Variants in PALLD observed in about 807,000 individuals in gnomAD.
The protein encoded by PALLD is palladin.
Under a neutral mutation model 123.5 loss-of-function variants are expected in PALLD, and 61 were observed. The observed-to-expected ratio is 0.49, with a 90% CI of 0.40 to 0.61. PALLD has a LOEUF of 0.61. PALLD is among the 20% of genes least tolerant of loss of function. The pLI, the probability that PALLD is intolerant of heterozygous loss-of-function variation, is 0.00. For missense variants in PALLD, 1,273 were observed against 1,377.0 expected (o/e 0.92, Z 1.20); for synonymous variants, 465 against 496.4 (o/e 0.94, Z 0.84).
chr4:168,608,715 T>C (rs1301251433), intron 2 of PALLD, among the ~76,000 whole-genome samples: 1 of 152,232 alleles, frequency 6.6e-6, no homozygotes, highest in African/African-American at 2.4e-5. Flanking sequence ...TTCATTTGTT[T>C]GGATTTTTCT....
intron 10 of PALLD, among the ~76,000 whole-genome samples, chr4:168,762,040 A>G (rs1233383981): frequency 6.6e-6 from 1 of 152,176 alleles, no homozygotes; most frequent in East Asian, 1.9e-4. Context: ...TCCATTAAAA[A>G]TTCATTTTTT....
chr4:168,771,021 T>C (rs1357247299), intron 10 of PALLD, among the ~76,000 whole-genome samples: 2 of 150,050 alleles, frequency 1.3e-5, no homozygotes, highest in Non-Finnish European at 2.9e-5. Flanking sequence ...ATTGCACCAC[T>C]GCATTCCAAC....
chr4:168,752,800 A>G (rs1360866681), intron 10 of PALLD, among the ~76,000 whole-genome samples: 1 of 151,478 alleles, frequency 6.6e-6, no homozygotes. Flanking sequence ...TTTAGTGACC[A>G]CAAAACTTAC....
chr4:168,711,789 G>C lies in PALLD; in HGVS notation c.1830G>C (p.Thr610=). 2 of 1,614,112 alleles carry C rather than the reference G, an allele frequency of 1.2e-6. No individual in the cohort carries two copies. The highest frequency in any genetic ancestry group is 1.7e-6 in the Non-Finnish European group (2 of 1,180,000). The change falls in exon 10 of 22, where the codon ACG becomes ACC. Residue 610 remains threonine, a synonymous_variant. Coordinates refer to ENST00000505667, the MANE Select transcript of PALLD (RefSeq NM_001166108.2). ...AATTCAATGCTGCTGAGAGGGAAAC[G>C]AACGGAGTCCATCCCAGCCGTGGAG... ...QMQFNAAERE[T]NGVHPSRGVN... is the part of the protein sequence containing the mutation.
intron 2 of PALLD, among the ~76,000 whole-genome samples, chr4:168,566,235 A>G (rs1768364523): frequency 6.6e-6 from 1 of 152,202 alleles, no homozygotes; most frequent in East Asian, 1.9e-4. Flanking sequence ...GTTTTAAAGA[A>G]TACAATTCTT....
At chr4:168,865,791 G>A (rs371445674) in intron 10 of PALLD, among the ~76,000 whole-genome samples, 41 of 152,172 alleles carry the variant, frequency 2.7e-4, no homozygotes, top group African/African-American at 8.2e-4. Flanking sequence ...TTATTAGCAT[G>A]GGCACATTTT....
intron 2 of PALLD, among the ~76,000 whole-genome samples, chr4:168,644,199 T>A (rs1777220878): frequency 6.6e-6 from 1 of 151,856 alleles, no homozygotes; most frequent in Non-Finnish European, 1.5e-5. Context: ...AGTGATTCTG[T>A]TGCCTCAGCC....
chr4:168,811,721 G>A (rs982304773), intron 10 of PALLD, among the ~76,000 whole-genome samples: 1 of 151,848 alleles, frequency 6.6e-6, no homozygotes, highest in Non-Finnish European at 1.5e-5. Flanking sequence ...CAGCCTGAGT[G>A]ACAGAGCAAG....
At chr4:168,534,761 G>A (rs1764935625) in intron 2 of PALLD, among the ~76,000 whole-genome samples, 1 of 152,016 alleles carries the variant, frequency 6.6e-6, no homozygotes, top group South Asian at 2.1e-4. Context: ...ACAGCCACAG[G>A]GGCACCAATT....
Position 168,925,064 on chromosome 4 carries a change from G to A in PALLD, c.3344G>A (p.Arg1115Lys), listed in dbSNP as rs1172864337. 1.2e-6 allele frequency: 2 copies of A among 1,613,956 alleles called. No homozygotes were observed. The highest frequency in any genetic ancestry group is 4.5e-5 in the East Asian group (2 of 44,874). ...NEAGIVSCTA[R>K]LDVYISRH ...GCAGGGATTGTGTCCTGTACTGCCA[G>A]GCTGGACGTTTACAGTGAGTGCCAC... The change falls in exon 20 of 22, where the codon AGG becomes AAG. Residue 1115 changes from arginine to lysine, a missense_variant. By Grantham distance (26) the Arg-to-Lys change is conservative (BLOSUM62 2). Coordinates refer to ENST00000505667, the MANE Select transcript of PALLD (RefSeq NM_001166108.2).
chr4:168,709,830 CAG>C (rs1198704354), intron 9 of PALLD, among the ~76,000 whole-genome samples: 1 of 151,970 alleles, frequency 6.6e-6, no homozygotes, highest in South Asian at 2.1e-4. Flanking sequence ...ACTGAACACA[CAG>C]GGGGCTTTCT....
intron 14 of PALLD, among the ~76,000 whole-genome samples, chr4:168,898,979 C>T (rs77030061): frequency 0.025 from 3,795 of 152,214 alleles, 64 homozygotes; most frequent in Non-Finnish European, 0.038. Context: ...ATTTATTCCT[C>T]GTTGTTATTC....
chr4:168,852,130 T>C (rs900392330), intron 10 of PALLD, among the ~76,000 whole-genome samples: 10 of 152,168 alleles, frequency 6.6e-5, no homozygotes, highest in African/African-American at 2.4e-4. Flanking sequence ...TGACTAGAAA[T>C]GCCTGCCAAA....
intron 2 of PALLD, among the ~76,000 whole-genome samples, chr4:168,602,061 G>A (rs886872735): frequency 3.9e-5 from 6 of 152,162 alleles, no homozygotes; most frequent in East Asian, 1.9e-4. Flanking sequence ...TTGTGACTCC[G>A]GTGAGTCTGC....
rs570439080 is a variant in PALLD at position 168,782,198 on chromosome 4, C to T, written c.1964+70275C>T. Among the ~76,000 whole-genome samples the T allele has an allele frequency of 4.6e-5, 7 of 152,278 alleles. No individual in the cohort carries two copies. The South Asian group carries it at 1.2e-3, about 27-fold the overall frequency. On this transcript the variant is annotated intron_variant, in intron 10 of 21. Transcript: ENST00000505667. ...TGCTGACTGCTGTGGAACACTGAGG[C>T]GCAACAGAACTTCACGAAAAGAAAC...
intron 10 of PALLD, among the ~76,000 whole-genome samples, chr4:168,834,995 C>T (rs1744923551): frequency 6.6e-6 from 1 of 152,206 alleles, no homozygotes; most frequent in South Asian, 2.1e-4. Context: ...GGAGTTCATA[C>T]TGCTCAAGGT....
chr4:168,616,680 GA>G (rs1049984659), intron 2 of PALLD, among the ~76,000 whole-genome samples: 1 of 152,154 alleles, frequency 6.6e-6, no homozygotes, highest in African/African-American at 2.4e-5. Flanking sequence ...TAGGGTGCTT[GA>G]GAAAAATAAG....
At chr4:168,522,620 T>C (rs904565248) in intron 2 of PALLD, among the ~76,000 whole-genome samples, 3 of 152,224 alleles carry the variant, frequency 2.0e-5, no homozygotes, top group Non-Finnish European at 4.4e-5. Context: ...CATTTAGACA[T>C]TGCATTCTTT....
intron 2 of PALLD, among the ~76,000 whole-genome samples, chr4:168,568,179 A>G (rs1033858505): frequency 1.0e-4 from 15 of 149,662 alleles, no homozygotes; most frequent in Middle Eastern, 3.4e-3. Context: ...ATAAATATAT[A>G]GCAAAAAAAT....
Sources: gnomAD v4.1 joint callset for allele counts (sites outside exome capture counted in the v4.1 genomes callset) on GRCh38, gnomAD v4.1.1 for gene constraint, MANE v1.5 for transcripts, NCBI Gene and HGNC (gene_info 2026-07-23, HGNC 2026-07-21) for gene names.